Variants in DPYD observed in about 807,000 individuals in gnomAD.
The protein encoded by DPYD is dihydropyrimidine dehydrogenase [NADP(+)].
A neutral mutation model predicts 116.2 loss-of-function variants in DPYD; 109 were observed. The observed-to-expected ratio is 0.94, with a 90% CI of 0.80 to 1.10. The LOEUF (loss-of-function observed/expected upper bound fraction) is 1.10, where lower values mean the gene tolerates loss of function less well. Among genes scored for constraint, DPYD ranks in the 50% least tolerant of loss-of-function variants. The pLI is 0.00. For synonymous variants in DPYD, 440 were observed against 432.0 expected (o/e 1.02, Z -0.23); for missense variants, 1,302 against 1,254.5 (o/e 1.04, Z -0.57).
intron 20 of DPYD, among the ~76,000 whole-genome samples, chr1:97,114,128 A>G (rs1651795858): frequency 6.6e-6 from 1 of 152,154 alleles, no homozygotes; most frequent in Non-Finnish European, 1.5e-5. Flanking sequence ...ATAGAAAAGC[A>G]AAGAATAAAC....
At position 97,524,528 on chromosome 1, in the gene DPYD, G is replaced by A. The variant is rs549825233; in HGVS notation, c.1525-8587C>T. ...TCAGAAAAGGCCTATTCAAAAATCA[G>A]AACTAGTCATGGTCTAAGATATATT... On this transcript the variant is annotated intron_variant, in intron 12 of 22. Transcript: ENST00000370192. Among the ~76,000 whole-genome samples, 83 of 152,274 alleles carry A rather than the reference G, an allele frequency of 5.5e-4. 1 individual carries two copies. Among genetic ancestry groups the A allele is most frequent in the African/African-American group, 1.9e-3 (80 of 41,552 alleles).
chr1:97,607,969 AC>A (rs1177232972), intron 8 of DPYD, among the ~76,000 whole-genome samples: 2 of 152,014 alleles, frequency 1.3e-5, no homozygotes, highest in Non-Finnish European at 2.9e-5. Flanking sequence ...ATTAAACAGA[AC>A]AAAAGCAACA....
chr1:97,102,460 T>TATCTATCTATCTATCTATCTATC (rs1313900931), intron 20 of DPYD, among the ~76,000 whole-genome samples: 1 of 102 alleles, frequency 9.8e-3, no homozygotes, highest in Non-Finnish European at 0.045. Flanking sequence ...TGAAATCTAT[T>TATCTATCTATCTATCTATCTATC]ATCTATCTAT....
intron 3 of DPYD, among the ~76,000 whole-genome samples, chr1:97,805,486 T>A (rs1026679041): frequency 1.3e-5 from 2 of 151,916 alleles, no homozygotes; most frequent in Non-Finnish European, 2.9e-5. Flanking sequence ...AACATAATGA[T>A]ATGTAGTTGC....
intron 19 of DPYD, among the ~76,000 whole-genome samples, chr1:97,224,387 T>C (rs1660977842): frequency 6.6e-6 from 1 of 152,046 alleles, no homozygotes; most frequent in Admixed American, 6.6e-5. Context: ...TTATCCATTT[T>C]AAAATTATAC....
At chr1:97,497,532 T>C (rs1190660519) in intron 13 of DPYD, among the ~76,000 whole-genome samples, 1 of 151,876 alleles carries the variant, frequency 6.6e-6, no homozygotes. Flanking sequence ...GTTGCCACAA[T>C]GATTGTTAAT....
chr1:97,272,004 G>C (rs893375041), intron 18 of DPYD, among the ~76,000 whole-genome samples: 1 of 152,038 alleles, frequency 6.6e-6, no homozygotes, highest in African/African-American at 2.4e-5. Flanking sequence ...TCTGCAATTT[G>C]AACTTAGAGC....
intron 14 of DPYD, among the ~76,000 whole-genome samples, chr1:97,418,246 T>C (rs943775510): frequency 2.0e-5 from 3 of 152,134 alleles, no homozygotes; most frequent in Admixed American, 1.3e-4. Context: ...AAAACACAGC[T>C]TACTTTTGTT....
chr1:97,399,474 A>C (rs1427637483), intron 14 of DPYD, among the ~76,000 whole-genome samples: 2 of 151,926 alleles, frequency 1.3e-5, no homozygotes, highest in African/African-American at 4.8e-5. Flanking sequence ...TTTTTTTCCA[A>C]TTCTGTGAAG....
chr1:97,335,678 C>T lies in DPYD; in HGVS notation c.2059-29381G>A, dbSNP rs113090716. 9.4e-4 allele frequency among the ~76,000 whole-genome samples: 143 copies of T among 152,276 alleles called. 4 individuals carry two copies. Among genetic ancestry groups the T allele is most frequent in the Middle Eastern group, 3.4e-3 (1 of 294 alleles). On this transcript the variant is annotated intron_variant, in intron 16 of 22. Coordinates refer to ENST00000370192, the MANE Select transcript of DPYD (RefSeq NM_000110.4). ...TTAGTTGGGTCCCCATAGCCCTCTG[C>T]ATTACCTTTTCCACTCAGCCAATTC...
intron 7 of DPYD, among the ~76,000 whole-genome samples, chr1:97,681,535 C>T (rs187499265): frequency 2.0e-5 from 3 of 151,960 alleles, no homozygotes; most frequent in Non-Finnish European, 4.4e-5. Context: ...ATATTCAGAA[C>T]TCTGGAATGT....
chr1:97,614,281 A>C (rs1347389169), intron 8 of DPYD, among the ~76,000 whole-genome samples: 2 of 152,104 alleles, frequency 1.3e-5, no homozygotes, highest in African/African-American at 4.8e-5. Context: ...TACAAGAGTT[A>C]GAGACTTGAG....
rs762198241 is a variant in DPYD at position 97,920,916 on chromosome 1, G to A, written c.7C>T (p.Pro3Ser). 8.3e-5 allele frequency: 132 copies of A among 1,591,080 alleles called. No individual in the cohort carries two copies. Among genetic ancestry groups the A allele is most frequent in the Non-Finnish European group, 1.1e-4 (124 of 1,169,276 alleles). The part of the protein sequence containing the change: MA[P>S]VLSKDSADIE... ...TCCGCCGAGTCCTTACTGAGCACAGGGGCCATGGCAGTGCCTACAGTCTCG... is the reference window on the plus strand; with the variant it reads ...TCCGCCGAGTCCTTACTGAGCACAGAGGCCATGGCAGTGCCTACAGTCTCG... Residue 3 changes from proline to serine, a missense_variant, in exon 1 of 23, where the codon CCT (proline) becomes TCT (serine). Transcript: ENST00000370192.
At chr1:97,214,048 G>A (rs1660215690) in intron 19 of DPYD, among the ~76,000 whole-genome samples, 1 of 152,126 alleles carries the variant, frequency 6.6e-6, no homozygotes, top group Non-Finnish European at 1.5e-5. Context: ...GCATTTCAGA[G>A]CACTTCTCCT....
intron 20 of DPYD, among the ~76,000 whole-genome samples, chr1:97,101,962 C>T (rs1367685148): frequency 3.3e-5 from 5 of 151,946 alleles, no homozygotes; most frequent in Non-Finnish European, 1.5e-5. Flanking sequence ...GTATCTTACA[C>T]TAAAACTGTC....
At chr1:97,817,154 T>C (rs1571407462) in intron 3 of DPYD, among the ~76,000 whole-genome samples, 1 of 152,082 alleles carries the variant, frequency 6.6e-6, no homozygotes. Flanking sequence ...ACAGATGCCT[T>C]TGTACAACAT....
intron 16 of DPYD, among the ~76,000 whole-genome samples, chr1:97,369,085 G>A (rs1671184465): frequency 6.6e-6 from 1 of 152,126 alleles, no homozygotes; most frequent in Admixed American, 6.6e-5. Context: ...GGCTAAAAGA[G>A]GGTTAGTACT....
At chr1:97,584,280 G>A (rs1228658440) in intron 10 of DPYD, among the ~76,000 whole-genome samples, 2 of 151,962 alleles carry the variant, frequency 1.3e-5, no homozygotes, top group East Asian at 1.9e-4. Flanking sequence ...TTGTAAATTT[G>A]TTTGAGTTCA....
At chr1:97,724,021 A>G (rs1663069423) in intron 4 of DPYD, among the ~76,000 whole-genome samples, 2 of 151,706 alleles carry the variant, frequency 1.3e-5, no homozygotes, top group African/African-American at 4.8e-5. Flanking sequence ...CCATATCAGT[A>G]GAATAAAAGA....
Sources: gnomAD v4.1 joint callset for allele counts (sites outside exome capture counted in the v4.1 genomes callset) on GRCh38, gnomAD v4.1.1 for gene constraint, MANE v1.5 for transcripts, NCBI Gene and HGNC (gene_info 2026-07-23, HGNC 2026-07-21) for gene names.